Variants in DCPS observed in about 807,000 individuals in gnomAD.
DCPS encodes m7GpppX diphosphatase.
In DCPS, 27 loss-of-function variants were observed where a neutral mutation model predicts 34.7. The ratio of observed to expected loss-of-function variants is 0.78; its 90% confidence interval spans 0.57 to 1.07. DCPS has a LOEUF of 1.07. Among genes scored for constraint, DCPS ranks in the 50% least tolerant of loss-of-function variants. The probability of loss-of-function intolerance (pLI) is 0.00; values close to 1 mark genes in which losing one functional copy is unlikely to be tolerated. For missense variants in DCPS, 464 were observed against 436.9 expected, an observed-to-expected ratio of 1.06 and a Z score of -0.55; for synonymous variants, 185 against 185.7, an observed-to-expected ratio of 1.00 and a Z score of 0.03.
chr11:126,309,313 C>T (rs1473983953), intron 2 of DCPS, among the ~76,000 whole-genome samples: 1 of 152,134 alleles, frequency 6.6e-6, no homozygotes, highest in Non-Finnish European at 1.5e-5. Context: ...CTGCCCCTGG[C>T]CTTCCTGCCT....
At chr11:126,306,008 T>G (rs1188086219) in intron 1 of DCPS, among the ~76,000 whole-genome samples, 2 of 152,202 alleles carry the variant, frequency 1.3e-5, no homozygotes, top group East Asian at 3.9e-4. Context: ...AAGCCTAAAA[T>G]GGAAGACAAC....
chr11:126,343,130 G>A (rs1348789800), intron 4 of DCPS, among the ~76,000 whole-genome samples, 177 bp from the exon 5 acceptor site: 3 of 151,468 alleles, frequency 2.0e-5, no homozygotes, highest in Non-Finnish European at 4.4e-5. Flanking sequence ...GTACACAGTA[G>A]GCCTGCTCCT....
intron 2 of DCPS, among the ~76,000 whole-genome samples, chr11:126,330,210 G>A (rs1951772275): frequency 6.6e-6 from 1 of 152,028 alleles, no homozygotes; most frequent in Non-Finnish European, 1.5e-5. Context: ...CATTGGCAAT[G>A]TCTGGAGACA....
chr11:126,346,570 C>T lies in DCPS; in HGVS notation c.*957C>T, dbSNP rs982178248. Among the ~76,000 whole-genome samples, 3 of 152,224 alleles carry T rather than the reference C, an allele frequency of 2.0e-5. No homozygotes were observed. Among genetic ancestry groups the T allele is most frequent in the Admixed American group, 6.5e-5 (1 of 15,286 alleles). On this transcript the variant is annotated 3_prime_UTR_variant, in exon 6 of 6. Coordinates refer to ENST00000263579, the MANE Select transcript of DCPS (RefSeq NM_014026.6). This position sits in a 1 kb window ranked among gnomAD's most constrained non-coding sequence, Gnocchi z 4.1. ...GGGCACACAAGTAAACACACAGGCTCTCTCCAGCACACAGGACCAAGGCAT... is the reference window on the plus strand; with the variant it reads ...GGGCACACAAGTAAACACACAGGCTTTCTCCAGCACACAGGACCAAGGCAT...
chr11:126,324,252 G>C (rs1385828918), intron 2 of DCPS, among the ~76,000 whole-genome samples: 2 of 152,040 alleles, frequency 1.3e-5, no homozygotes, highest in Non-Finnish European at 2.9e-5. Flanking sequence ...AATGATTTCT[G>C]TTTTATGCTC....
At position 126,344,468 on chromosome 11, in the gene DCPS, C is replaced by G. The variant is rs240534; in HGVS notation, c.748-879C>G. Among the ~76,000 whole-genome samples the G allele has an allele frequency of 0.22, 33,832 of 151,950 alleles. 4,740 individuals are homozygous for G. Among genetic ancestry groups the G allele is most frequent in the East Asian group, 0.67 (3,443 of 5,124 alleles). On this transcript the variant is annotated intron_variant, in intron 5 of 5. Transcript: ENST00000263579. This position sits in a 1 kb window ranked among gnomAD's most constrained non-coding sequence, Gnocchi z 8.1. ...GACAGCTCCACCCTGGCAGACAGAC[C>G]TCACTTACTCCAGGAAGCCCCTCGG...
chr11:126,317,247 C>A (rs1043369691), intron 2 of DCPS, among the ~76,000 whole-genome samples: 1 of 151,342 alleles, frequency 6.6e-6, no homozygotes, highest in African/African-American at 2.5e-5. Flanking sequence ...GCGTGAGCCA[C>A]TGCACCCGGC....
chr11:126,345,008 G>A lies in DCPS; in HGVS notation c.748-339G>A, dbSNP rs1015273419. Among the ~76,000 whole-genome samples, 1 of 152,220 alleles carries A rather than the reference G, an allele frequency of 6.6e-6. No homozygotes were observed. Among genetic ancestry groups the A allele is most frequent in the African/African-American group, 2.4e-5 (1 of 41,448 alleles). Reference sequence around the variant, plus strand: ...GTCCCCATAGTCTTGGGAATCTGGGGCCTGTCTGTAGACACTGGGCCTTCC... The same window carrying A: ...GTCCCCATAGTCTTGGGAATCTGGGACCTGTCTGTAGACACTGGGCCTTCC... On this transcript the variant is annotated intron_variant, in intron 5 of 5. Coordinates refer to ENST00000263579, the MANE Select transcript of DCPS (RefSeq NM_014026.6). The surrounding 1 kb of genome is among the most constrained non-coding windows in gnomAD (Gnocchi z 7.4).
At chr11:126,317,789 G>C (rs1006075705) in intron 2 of DCPS, among the ~76,000 whole-genome samples, 2 of 152,000 alleles carry the variant, frequency 1.3e-5, no homozygotes, top group African/African-American at 2.4e-5. Context: ...GTGGAGAAGT[G>C]GGGGGGCTCG....
rs1249768332 is a variant in DCPS at position 126,325,537 on chromosome 11, T to TA, written c.377-5868_377-5867insA. Among the ~76,000 whole-genome samples, 3 of 152,220 alleles carry TA rather than the reference T, an allele frequency of 2.0e-5. No homozygotes were observed. The highest frequency in any genetic ancestry group is 6.5e-5 in the Admixed American group (1 of 15,280). On this transcript the variant is annotated intron_variant, in intron 2 of 5. Coordinates refer to ENST00000263579, the MANE Select transcript of DCPS (RefSeq NM_014026.6). The surrounding 1 kb of genome is among the most constrained non-coding windows in gnomAD (Gnocchi z 4.3). The stretch of plus-strand genomic sequence containing the variant: ...AAGATATAAAAGTATAATTTAGAAT[T>TA]CTGGAAGTATATAACCAAAGAGGTG...
At position 126,349,498 on chromosome 11, in the gene DCPS, T is replaced by A. The variant is rs1951970739; in HGVS notation, c.*3885T>A. Among the ~76,000 whole-genome samples, 1 of 152,230 alleles carries A rather than the reference T, an allele frequency of 6.6e-6. No homozygotes were observed. Among genetic ancestry groups the A allele is most frequent in the Non-Finnish European group, 1.5e-5 (1 of 68,042 alleles). On this transcript the variant is annotated 3_prime_UTR_variant, in exon 6 of 6. Transcript: ENST00000263579. This position sits in a 1 kb window ranked among gnomAD's most constrained non-coding sequence, Gnocchi z 5.4. ...TCAAACTTTCCTAATAGAGCAAAAT[T>A]GCTGAGTGGTCTCTATTTACCAACA...
chr11:126,324,489 C>T (rs1295751689), intron 2 of DCPS, among the ~76,000 whole-genome samples: 3 of 151,932 alleles, frequency 2.0e-5, no homozygotes, highest in African/African-American at 7.3e-5. Flanking sequence ...GGGTCTCACT[C>T]TGTCCCCTAG....
At chr11:126,317,788 T>TG (rs942408561) in intron 2 of DCPS, among the ~76,000 whole-genome samples, 19 of 152,244 alleles carry the variant, frequency 1.2e-4, no homozygotes, top group Middle Eastern at 3.4e-3. Context: ...TGTGGAGAAG[T>TG]GGGGGGGCTC....
Position 126,345,785 on chromosome 11 carries a change from A to G in DCPS, c.*172A>G. 1.1e-6 allele frequency: 1 copy of G among 952,082 alleles called. No homozygotes were observed. The highest frequency in any genetic ancestry group is 1.5e-6 in the Non-Finnish European group (1 of 655,692). The allele number at this position is 952,082 out of a possible 1,614,324, so 59.0% of individuals were successfully genotyped here. On this transcript the variant is annotated 3_prime_UTR_variant, in exon 6 of 6. Coordinates refer to ENST00000263579, the MANE Select transcript of DCPS (RefSeq NM_014026.6). The surrounding 1 kb of genome is among the most constrained non-coding windows in gnomAD (Gnocchi z 7.4). ...ACAGCGTGGCCTGGGAGGCAGACAGATGGTGGGGGACAGTGGGTGGGTAGA... is the reference window on the plus strand; with the variant it reads ...ACAGCGTGGCCTGGGAGGCAGACAGGTGGTGGGGGACAGTGGGTGGGTAGA...
At position 126,325,677 on chromosome 11, in the gene DCPS, C is replaced by A. The variant is rs1358250059; in HGVS notation, c.377-5728C>A. On this transcript the variant is annotated intron_variant, in intron 2 of 5. Transcript: ENST00000263579. The surrounding 1 kb of genome is among the most constrained non-coding windows in gnomAD (Gnocchi z 4.3). Reference sequence around the variant, plus strand: ...TGACTCTTTGACATATATGCAAGTACAATTTGAATTAAAAAGACAAACACA... The same window carrying A: ...TGACTCTTTGACATATATGCAAGTAAAATTTGAATTAAAAAGACAAACACA... Among the ~76,000 whole-genome samples the A allele has an allele frequency of 6.6e-6, 1 of 152,096 alleles. No homozygotes were observed. Among genetic ancestry groups the A allele is most frequent in the African/African-American group, 2.4e-5 (1 of 41,400 alleles).
chr11:126,304,570 C>A (rs986436236), intron 1 of DCPS, among the ~76,000 whole-genome samples: 2 of 152,094 alleles, frequency 1.3e-5, no homozygotes, highest in East Asian at 3.9e-4. Context: ...ATTCCCCAAG[C>A]CATTCATCAT....
At chr11:126,307,828 G>A (rs1481988317) in intron 2 of DCPS, among the ~76,000 whole-genome samples, 1 of 152,202 alleles carries the variant, frequency 6.6e-6, no homozygotes, top group Non-Finnish European at 1.5e-5. Flanking sequence ...CTTGTAAGGA[G>A]GACTTTACGA....
In DCPS at chr11:126,331,272, T is replaced by G. The variant is rs1951789004; in HGVS notation, c.377-133T>G. ...GCACTCTGTGGGAGTGGATCTTGGG[T>G]GCATGATCCTCTTGGATTTTGGCTT... On this transcript the variant is annotated intron_variant, in intron 2 of 5. Transcript: ENST00000263579. This position sits in a 1 kb window ranked among gnomAD's most constrained non-coding sequence, Gnocchi z 7.2. The G allele has an allele frequency of 1.5e-6, 2 of 1,310,332 alleles. No homozygotes were observed. Among genetic ancestry groups the G allele is most frequent in the African/African-American group, 1.5e-5 (1 of 68,066 alleles). 81.2% of individuals were successfully genotyped at this position (1,310,332 alleles called of 1,614,324 possible). A position where few individuals can be genotyped will look rare whatever the true frequency, so the allele number is the denominator to read the frequency against.
Position 126,334,046 on chromosome 11 carries a change from T to C in DCPS, c.522+2496T>C, listed in dbSNP as rs549288969. On this transcript the variant is annotated intron_variant, in intron 3 of 5. Coordinates refer to ENST00000263579, the MANE Select transcript of DCPS (RefSeq NM_014026.6). The surrounding 1 kb of genome is among the most constrained non-coding windows in gnomAD (Gnocchi z 5.5). ...GAACAGGAAGACTGGGAAAAACCAG[T>C]ATGGGTCTGAACCAAGGTAGGGACA... is the stretch of plus-strand genomic sequence containing the variant. Among the ~76,000 whole-genome samples the C allele has an allele frequency of 2.0e-5, 3 of 151,990 alleles. No individual in the cohort carries two copies. The highest frequency in any genetic ancestry group is 4.4e-5 in the Non-Finnish European group (3 of 68,016).
Sources: gnomAD v4.1 joint callset for allele counts (sites outside exome capture counted in the v4.1 genomes callset) on GRCh38, gnomAD v4.1.1 for gene constraint, Gnocchi (gnomAD v3.1) non-coding constraint, MANE v1.5 for transcripts, NCBI Gene and HGNC (gene_info 2026-07-23, HGNC 2026-07-21) for gene names.